DHTKD1: variants seen among roughly 807,000 people sequenced by gnomAD.
DHTKD1 encodes the protein dehydrogenase E1 and transketolase domain containing 1.
Under a neutral mutation model 101.8 loss-of-function variants are expected in DHTKD1, and 78 were observed. The observed-to-expected ratio is 0.77, with a 90% confidence interval of 0.64 to 0.93. The LOEUF (loss-of-function observed/expected upper bound fraction) is 0.93. Ranked by LOEUF, DHTKD1 falls within the 40% of genes least tolerant of loss-of-function variation. The pLI, the probability that DHTKD1 is intolerant of heterozygous loss-of-function variation, is 0.00. For missense variants in DHTKD1, 1,223 were observed against 1,161.7 expected (o/e 1.05, Z -0.77); for synonymous variants, 462 against 450.3 (o/e 1.03, Z -0.33).
intron 13 of DHTKD1, among the ~76,000 whole-genome samples, chr10:12,114,346 G>A (rs540516012): frequency 5.9e-5 from 9 of 151,540 alleles, no homozygotes; most frequent in Non-Finnish European, 1.3e-4. Flanking sequence ...ACCCAGGCTG[G>A]ATTGCAGTGG....
chr10:12,117,537 T>C, intron 13 of DHTKD1, 136 bp from the exon 14 acceptor site: 1 of 660,018 alleles, frequency 1.5e-6, no homozygotes, highest in Admixed American at 2.7e-5. Flanking sequence ...GGCAAGGCAT[T>C]GCGTCTATTA....
At chr10:12,117,569 G>GGTACTAGTCTC (rs1204958659) in intron 13 of DHTKD1, 104 bp from the exon 14 acceptor site, 124 of 740,044 alleles carry the variant, frequency 1.7e-4, no homozygotes, top group Middle Eastern at 4.7e-4. Context: ...TCCTTGCAGT[G>GGTACTAGTCTC]CTAGGCTAGA....
intron 1 of DHTKD1, among the ~76,000 whole-genome samples, chr10:12,069,431 G>C (rs139809552): frequency 1.3e-5 from 2 of 152,126 alleles, no homozygotes; most frequent in Admixed American, 1.3e-4. Flanking sequence ...TTCCCATCTT[G>C]CTGGTCCGGA....
chr10:12,078,319 G>A (rs79985170), intron 1 of DHTKD1, among the ~76,000 whole-genome samples: 3 of 151,964 alleles, frequency 2.0e-5, no homozygotes, highest in Admixed American at 6.6e-5. Flanking sequence ...CAGCTACTCC[G>A]GAGACTGAGA....
rs561354130 is a variant in DHTKD1, at chr10:12,079,761, T to G, written c.155-1711T>G. Among the ~76,000 whole-genome samples, 36 of 152,318 alleles carry G rather than the reference T, an allele frequency of 2.4e-4. 1 individual carries two copies. In the South Asian group the frequency reaches 7.2e-3, roughly 31 times the overall value. On this transcript the variant is annotated intron_variant, in intron 1 of 16. Transcript: ENST00000263035. ...GATTTTAGCCACAAATATAAAGGTT[T>G]CCTACTTCATATGACACTGATGGAG... is the stretch of plus-strand genomic sequence containing the variant.
At chr10:12,086,805 C>A (rs376410226) in intron 3 of DHTKD1, among the ~76,000 whole-genome samples, 1 of 152,108 alleles carries the variant, frequency 6.6e-6, no homozygotes, top group African/African-American at 2.4e-5. Flanking sequence ...ATTCTCCTGC[C>A]TCAGCCTCCT....
chr10:12,081,397 C>G, intron 1 of DHTKD1, 75 bp from the exon 2 acceptor site: 1 of 1,295,526 alleles, frequency 7.7e-7, no homozygotes, highest in South Asian at 1.2e-5. Context: ...GTAAGAGCTT[C>G]TTTGAAAATC....
Position 12,081,455 on chromosome 10 carries a change from A to G in DHTKD1, c.155-17A>G, listed in dbSNP as rs746248223. ...TCTCCTAAACTGTTTGCATTTTTAA[A>G]TTTTCCCCTGATTTAGTTGATCATG... On this transcript the variant is annotated splice_polypyrimidine_tract_variant and intron_variant, in intron 1 of 16. Coordinates refer to ENST00000263035, the MANE Select transcript of DHTKD1 (RefSeq NM_018706.7). 3.1e-6 allele frequency: 5 copies of G among 1,612,818 alleles called. No homozygotes were observed. Among genetic ancestry groups the G allele is most frequent in the East Asian group, 2.2e-5 (1 of 44,882 alleles).
At chr10:12,106,214 A>G (rs768650414) in intron 10 of DHTKD1, 32 bp from the exon 11 acceptor site, 7 of 1,613,480 alleles carry the variant, frequency 4.3e-6, no homozygotes, top group South Asian at 1.1e-5. Flanking sequence ...TGGCCCTCAC[A>G]TGCAGCGTTT....
intron 1 of DHTKD1, among the ~76,000 whole-genome samples, chr10:12,075,531 C>T (rs942377636): frequency 1.3e-5 from 2 of 150,818 alleles, no homozygotes; most frequent in Non-Finnish European, 2.9e-5. Context: ...TGAGCCACTG[C>T]GCCCATCCAA....
At chr10:12,078,469 G>A (rs1004281760) in intron 1 of DHTKD1, among the ~76,000 whole-genome samples, 2 of 151,438 alleles carry the variant, frequency 1.3e-5, no homozygotes, top group Non-Finnish European at 2.9e-5. Context: ...AAAATTAGCC[G>A]GGCATGGCGG....
chr10:12,082,716 GA>G (rs1832840721), intron 2 of DHTKD1, among the ~76,000 whole-genome samples: 1 of 151,834 alleles, frequency 6.6e-6, no homozygotes, highest in Non-Finnish European at 1.5e-5. Context: ...CGTTAATGTG[GA>G]AAACATAAAG....
At chr10:12,117,147 C>T (rs1227661642) in intron 13 of DHTKD1, among the ~76,000 whole-genome samples, 1 of 151,964 alleles carries the variant, frequency 6.6e-6, no homozygotes, top group Admixed American at 6.6e-5. Context: ...GGATTACAGA[C>T]ACCCGCCATC....
intron 14 of DHTKD1, among the ~76,000 whole-genome samples, chr10:12,118,086 C>T (rs535317202): frequency 6.6e-6 from 1 of 151,854 alleles, no homozygotes; most frequent in East Asian, 2.0e-4. Context: ...GATGGGGTTT[C>T]ACCATGTTGG....
chr10:12,114,183 A>G (rs897687943), intron 13 of DHTKD1, among the ~76,000 whole-genome samples: 12 of 152,186 alleles, frequency 7.9e-5, no homozygotes, highest in African/African-American at 2.7e-4. Flanking sequence ...AATCACAAAA[A>G]TATGCTAGTT....
At chr10:12,070,552 G>A (rs1019711548) in intron 1 of DHTKD1, among the ~76,000 whole-genome samples, 94 of 152,116 alleles carry the variant, frequency 6.2e-4, no homozygotes, top group African/African-American at 2.1e-3. Flanking sequence ...GCAGTGGCAC[G>A]ATCTTGGCTC....
intron 3 of DHTKD1, among the ~76,000 whole-genome samples, chr10:12,085,173 G>A (rs1221019534): frequency 6.6e-6 from 1 of 152,140 alleles, no homozygotes; most frequent in Non-Finnish European, 1.5e-5. Context: ...AGCCAGGGGT[G>A]ATGGTGCACA....
chr10:12,076,209 G>A (rs561241395), intron 1 of DHTKD1, among the ~76,000 whole-genome samples: 7 of 152,356 alleles, frequency 4.6e-5, no homozygotes, highest in Admixed American at 3.3e-4. Context: ...CGAGTGCGGT[G>A]GCTCACGCCT....
intron 12 of DHTKD1, among the ~76,000 whole-genome samples, chr10:12,109,876 T>A (rs184428474): frequency 1.2e-3 from 183 of 152,220 alleles, no homozygotes; most frequent in South Asian, 2.3e-3. Context: ...GTCCATTTGT[T>A]GGTTGATGAC....
Sources: allele counts gnomAD v4.1 joint callset (sites outside exome capture counted in the v4.1 genomes callset), GRCh38; gene constraint gnomAD v4.1.1; transcripts MANE v1.5; gene names NCBI Gene and HGNC (gene_info 2026-07-23, HGNC 2026-07-21).